The following FSAF1 variants were observed in gnomAD, a reference collection of about 807,000 sequenced individuals.
FSAF1 encodes uncharacterized protein C1orf131.
the FSAF1 span, among the ~76,000 whole-genome samples, chr1:231,235,440 T>C: frequency 1.3e-5 from 2 of 150,728 alleles, no homozygotes; most frequent in Non-Finnish European, 1.5e-5. Context: ...GAGGTTGTAG[T>C]GAGCTGAGAT....
At chr1:231,230,774 T>C in the FSAF1 span, among the ~76,000 whole-genome samples, 1 of 152,212 alleles carries the variant, frequency 6.6e-6, no homozygotes, top group African/African-American at 2.4e-5. Context: ...TGACTCCCTA[T>C]GAAATGACTC....
At chr1:231,224,787 T>C in the FSAF1 span, 14 of 203,742 alleles carry the variant, frequency 6.9e-5, no homozygotes, top group East Asian at 1.7e-3. Context: ...CCTGATATCA[T>C]CTTACTTATC....
chr1:231,224,543 C>A, the FSAF1 span: 1 of 858,074 alleles, frequency 1.2e-6, no homozygotes, highest in Non-Finnish European at 1.7e-6. Context: ...ACCCCCCACC[C>A]CATACGCCTT....
chr1:231,239,087 G>GAGAT, the FSAF1 span: 1 of 1,614,094 alleles, frequency 6.2e-7, no homozygotes, highest in Non-Finnish European at 8.5e-7. Context: ...CCAGGTAGGG[G>GAGAT]AGATGGCTCT....
chr1:231,239,324 G>T, the FSAF1 span: 4 of 715,614 alleles, frequency 5.6e-6, no homozygotes, highest in Non-Finnish European at 8.3e-6. Context: ...TAAACTATTT[G>T]TTTTCTTTCA....
At chr1:231,225,840 C>T in the FSAF1 span, 21 of 340,136 alleles carry the variant, frequency 6.2e-5, no homozygotes, top group African/African-American at 4.1e-4. Context: ...AAGAAAAAGA[C>T]AAAAGAATGT....
At chr1:231,227,017 C>G in the FSAF1 span, 1 of 1,614,196 alleles carries the variant, frequency 6.2e-7, no homozygotes, top group Non-Finnish European at 8.5e-7. Context: ...AGGATTCTCT[C>G]CTTTCCTTTT....
At chr1:231,228,880 T>C in the FSAF1 span, among the ~76,000 whole-genome samples, 11,923 of 152,116 alleles carry the variant, frequency 0.078, 558 homozygotes, top group Admixed American at 0.11. Context: ...TCCCAGCTGC[T>C]CAGGAGGCTA....
the FSAF1 span, among the ~76,000 whole-genome samples, chr1:231,233,561 T>A: frequency 5.0e-3 from 757 of 151,940 alleles, 2 homozygotes; most frequent in African/African-American, 9.0e-3. Flanking sequence ...AACAAAAAAT[T>A]TTTTTTTTTG....
the FSAF1 span, among the ~76,000 whole-genome samples, chr1:231,235,241 C>G: frequency 6.6e-6 from 1 of 152,168 alleles, no homozygotes; most frequent in African/African-American, 2.4e-5. Context: ...TGGCTCACGT[C>G]TGTAATCCTA....
the FSAF1 span, chr1:231,241,013 C>G: frequency 4.3e-6 from 7 of 1,610,534 alleles, no homozygotes; most frequent in East Asian, 1.6e-4. Context: ...CTCCTGGGAC[C>G]CCGCACTCAC....
the FSAF1 span, among the ~76,000 whole-genome samples, chr1:231,232,344 G>A: frequency 6.6e-6 from 1 of 152,116 alleles, no homozygotes; most frequent in African/African-American, 2.4e-5. Flanking sequence ...GGCTTTCCCT[G>A]GCCAAAGAAA....
At chr1:231,237,537 C>T in the FSAF1 span, 2 of 152,242 alleles carry the variant, frequency 1.3e-5, no homozygotes, top group African/African-American at 4.8e-5. Context: ...ATGAAAACCA[C>T]ATTAAGACGG....
chr1:231,227,337 T>C, the FSAF1 span, among the ~76,000 whole-genome samples: 2 of 152,150 alleles, frequency 1.3e-5, no homozygotes. Flanking sequence ...AAAAGAGGCA[T>C]GATCATGTCT....
At chr1:231,233,620 T>G in the FSAF1 span, among the ~76,000 whole-genome samples, 1 of 152,112 alleles carries the variant, frequency 6.6e-6, no homozygotes, top group East Asian at 1.9e-4. Context: ...TGGCACAATC[T>G]CGACTCACTG....
the FSAF1 span, among the ~76,000 whole-genome samples, chr1:231,233,499 C>T: frequency 6.6e-6 from 1 of 152,174 alleles, no homozygotes; most frequent in African/African-American, 2.4e-5. Context: ...CATAATTAAA[C>T]ACATTAATAT....
chr1:231,226,981 C>T, the FSAF1 span: 4 of 1,614,150 alleles, frequency 2.5e-6, no homozygotes, highest in Non-Finnish European at 2.5e-6. Context: ...ACCTTAGCGC[C>T]CAGCATAATG....
At chr1:231,239,202 C>G in the FSAF1 span, 2 of 1,526,986 alleles carry the variant, frequency 1.3e-6, no homozygotes, top group African/African-American at 1.4e-5. Context: ...TTTGTTCAAA[C>G]ACAAGAAGGA....
the FSAF1 span, among the ~76,000 whole-genome samples, chr1:231,228,598 CAAA>C: frequency 2.9e-5 from 3 of 102,916 alleles, no homozygotes; most frequent in Non-Finnish European, 2.1e-5. Flanking sequence ...GACTCTGCCT[CAAA>C]AAAAAAAAAA....
Sources: gnomAD v4.1 joint callset for allele counts (sites outside exome capture counted in the v4.1 genomes callset) on GRCh38, gnomAD v4.1.1 for gene constraint, MANE v1.5 for transcripts, NCBI Gene and HGNC (gene_info 2026-07-23, HGNC 2026-07-21) for gene names.